Variants in SPRED2 observed in about 807,000 individuals in gnomAD.
SPRED2 encodes the protein sprouty related EVH1 domain containing 2, also known as sprouty-related, EVH1 domain-containing protein 2.
In SPRED2, 47 loss-of-function variants were observed where a neutral mutation model predicts 43.0. The observed-to-expected ratio is 1.09, with a 90% CI of 0.87 to 1.40. The LOEUF (loss-of-function observed/expected upper bound fraction) is 1.40. Among genes scored for constraint, SPRED2 ranks in the 40% most tolerant of loss-of-function variants. The probability of loss-of-function intolerance (pLI) is 0.00; values close to 1 mark genes in which losing one functional copy is unlikely to be tolerated. For synonymous variants in SPRED2, 225 were observed against 225.7 expected, an observed-to-expected ratio of 1.00 and a Z score of 0.03; for missense variants, 561 against 586.4, an observed-to-expected ratio of 0.96 and a Z score of 0.45.
At chr2:65,391,957 C>CT (rs1214485666) in intron 1 of SPRED2, among the ~76,000 whole-genome samples, 8 of 151,694 alleles carry the variant, frequency 5.3e-5, no homozygotes, top group African/African-American at 1.9e-4. Flanking sequence ...CTATATATTT[C>CT]TTTTTTGTTA....
intron 1 of SPRED2, among the ~76,000 whole-genome samples, chr2:65,394,728 T>C (rs1675714906): frequency 6.6e-6 from 1 of 152,142 alleles, no homozygotes; most frequent in Admixed American, 6.5e-5. Context: ...TTGCTTACTA[T>C]TTCTATTTCC....
chr2:65,425,969 G>C (rs749752437), intron 1 of SPRED2, among the ~76,000 whole-genome samples: 2 of 152,156 alleles, frequency 1.3e-5, no homozygotes, highest in Non-Finnish European at 2.9e-5. Flanking sequence ...TTTGTGTTCA[G>C]CCGGCAATAC....
intron 1 of SPRED2, among the ~76,000 whole-genome samples, chr2:65,425,681 G>C (rs1463317831): frequency 1.3e-5 from 2 of 152,182 alleles, no homozygotes; most frequent in Non-Finnish European, 2.9e-5. Context: ...GGGCACTGGA[G>C]CATCAATACA....
At chr2:65,366,043 A>AACAG in intron 1 of SPRED2, among the ~76,000 whole-genome samples, 1 of 152,076 alleles carries the variant, frequency 6.6e-6, no homozygotes, top group Admixed American at 6.6e-5. Flanking sequence ...CAAACAAACA[A>AACAG]ACAAACAAAC....
rs1192622636 is a variant in SPRED2 at position 65,313,571 on chromosome 2, G to A, written c.1187C>T (p.Pro396Leu). The stretch of plus-strand genomic sequence containing the variant: ...TCCGCAGTGGTAGCAGGCCCGAAGG[G>A]GCAGGTAACAGCACATACAGGGGGC... ...FLAPCMCCYLPLRACYHCGVM... is the reference protein window; with the variant it reads ...FLAPCMCCYLLLRACYHCGVM... Residue 396 changes from proline to leucine, a missense_variant, in exon 6 of 6, where the codon CCC becomes CTC. Coordinates refer to ENST00000356388, the MANE Select transcript of SPRED2 (RefSeq NM_181784.3). 1 of 1,614,024 alleles carries A rather than the reference G, an allele frequency of 6.2e-7. No individual in the cohort carries two copies. Among genetic ancestry groups the A allele is most frequent in the Admixed American group, 1.7e-5 (1 of 59,992 alleles).
chr2:65,336,571 T>A (rs1015180928), intron 2 of SPRED2, among the ~76,000 whole-genome samples: 8 of 152,118 alleles, frequency 5.3e-5, no homozygotes, highest in Non-Finnish European at 1.2e-4. Flanking sequence ...CCCCTAAGAA[T>A]AGCACAATGA....
chr2:65,360,069 A>AAAAAAAAAAAC (rs1674761121), intron 1 of SPRED2, among the ~76,000 whole-genome samples: 2 of 123,132 alleles, frequency 1.6e-5, no homozygotes, highest in Non-Finnish European at 3.4e-5. Flanking sequence ...CATCTCAAAA[A>AAAAAAAAAAAC]AAAAAAAAAC....
Position 65,313,663 on chromosome 2 carries a change from G to A in SPRED2, c.1095C>T (p.Cys365=). 6.2e-7 allele frequency: 1 copy of A among 1,614,204 alleles called. No homozygotes were observed. The highest frequency in any genetic ancestry group is 1.7e-5 in the Admixed American group (1 of 60,026). The part of the protein sequence containing the change: ...SDPEGDYTDP[C]SCDTSDEKFC... ...ACTTCTCGTCGCTAGTATCGCACGA[G>A]CAAGGGTCTGTATAGTCTCCCTCGG... Residue 365 remains cysteine (C), a synonymous_variant, in exon 6 of 6, where the codon TGC becomes TGT. Coordinates refer to ENST00000356388, the MANE Select transcript of SPRED2 (RefSeq NM_181784.3).
intron 1 of SPRED2, among the ~76,000 whole-genome samples, chr2:65,431,535 G>C (rs1393851737): frequency 6.6e-6 from 1 of 152,190 alleles, no homozygotes; most frequent in East Asian, 1.9e-4. Flanking sequence ...AGTGGGCTCC[G>C]GAGCGGACTG....
chr2:65,400,372 G>A (rs1419309049), intron 1 of SPRED2, among the ~76,000 whole-genome samples: 1 of 152,064 alleles, frequency 6.6e-6, no homozygotes, highest in Non-Finnish European at 1.5e-5. Context: ...GTGAATTATT[G>A]TTTCATCCAC....
intron 1 of SPRED2, among the ~76,000 whole-genome samples, chr2:65,394,029 G>A (rs1454067304): frequency 3.3e-5 from 5 of 152,008 alleles, no homozygotes; most frequent in African/African-American, 4.8e-5. Flanking sequence ...GTATAAGGAC[G>A]TGTGAAATAC....
At chr2:65,387,276 G>T (rs1558679944) in intron 1 of SPRED2, among the ~76,000 whole-genome samples, 1 of 152,194 alleles carries the variant, frequency 6.6e-6, no homozygotes. Flanking sequence ...GGTCTGTACT[G>T]CCGCTCTCGC....
intron 1 of SPRED2, among the ~76,000 whole-genome samples, chr2:65,423,033 G>C (rs770693448): frequency 6.6e-6 from 1 of 152,202 alleles, no homozygotes; most frequent in Non-Finnish European, 1.5e-5. Context: ...ATAAAAATGA[G>C]TAAAATTACT....
At chr2:65,340,178 C>T (rs7590888) in intron 2 of SPRED2, among the ~76,000 whole-genome samples, 34,960 of 151,996 alleles carry the variant, frequency 0.23, 4,757 homozygotes, top group African/African-American at 0.38. Context: ...TCTAATATGG[C>T]AAGTTATAAA....
At chr2:65,379,989 C>T (rs140491420) in intron 1 of SPRED2, among the ~76,000 whole-genome samples, 3 of 152,260 alleles carry the variant, frequency 2.0e-5, no homozygotes, top group East Asian at 1.9e-4. Flanking sequence ...CTGCTCTGTC[C>T]GTGGCACTAT....
chr2:65,425,160 CTGATAAT>C (rs1022122714), intron 1 of SPRED2, among the ~76,000 whole-genome samples: 2 of 152,160 alleles, frequency 1.3e-5, no homozygotes, highest in Non-Finnish European at 2.9e-5. Context: ...AAAAACTTAA[CTGATAAT>C]TAAGTTTTAA....
At chr2:65,327,957 C>CAA (rs754548210) in intron 4 of SPRED2, among the ~76,000 whole-genome samples, 6 of 151,910 alleles carry the variant, frequency 3.9e-5, no homozygotes, top group African/African-American at 1.2e-4. Context: ...TTGCTGACCT[C>CAA]GTGATCCGCC....
At chr2:65,315,291 G>A (rs1382683573) in intron 5 of SPRED2, among the ~76,000 whole-genome samples, 3 of 152,100 alleles carry the variant, frequency 2.0e-5, no homozygotes, top group Non-Finnish European at 2.9e-5. Context: ...CATTTCTGTC[G>A]AACTGCATAG....
intron 1 of SPRED2, among the ~76,000 whole-genome samples, chr2:65,398,178 C>T (rs1473115914): frequency 6.6e-6 from 1 of 152,198 alleles, no homozygotes; most frequent in Non-Finnish European, 1.5e-5. Flanking sequence ...GGATAATTGG[C>T]AAGCCACATG....
Sources: gnomAD v4.1 joint callset for allele counts (sites outside exome capture counted in the v4.1 genomes callset) on GRCh38, gnomAD v4.1.1 for gene constraint, MANE v1.5 for transcripts, NCBI Gene and HGNC (gene_info 2026-07-23, HGNC 2026-07-21) for gene names.